Variants in PCDH11X observed in about 807,000 individuals in gnomAD.
PCDH11X encodes protocadherin-11 X-linked.
A neutral mutation model predicts 53.3 loss-of-function variants in PCDH11X; 18 were observed. The observed-to-expected ratio is 0.34, with a 90% CI of 0.23 to 0.50. PCDH11X has a LOEUF of 0.50. PCDH11X is among the 20% of genes least tolerant of loss of function. The probability of loss-of-function intolerance (pLI) is 0.98; values close to 1 mark genes in which losing one functional copy is unlikely to be tolerated. For synonymous variants in PCDH11X, 279 were observed against 393.3 expected, an observed-to-expected ratio of 0.71 and a Z score of 3.44; for missense variants, 570 against 1,032.4, an observed-to-expected ratio of 0.55 and a Z score of 6.14.
chrX:92,245,770 G>C (rs1352546642), intron 7 of PCDH11X, among the ~76,000 whole-genome samples: 1 of 111,987 alleles, frequency 8.9e-6, no homozygotes, highest in Non-Finnish European at 1.9e-5. Flanking sequence ...ACACAAAGGA[G>C]GTTCTCCTTA....
chrX:92,056,058 TG>T (rs1398837537), intron 6 of PCDH11X, among the ~76,000 whole-genome samples: 2 of 110,622 alleles, frequency 1.8e-5, no homozygotes, highest in African/African-American at 6.6e-5. Flanking sequence ...TACTTAGTAA[TG>T]GGATTTCTGT....
rs777685806 is a variant in PCDH11X, at chrX:92,025,037, G to A, written c.3033+145764G>A. ...ATAAAAAACCCAAAAAGAAATCTTAGGCAATACCATTCAGGCCATAGGCAT... is the reference window on the plus strand; with the variant it reads ...ATAAAAAACCCAAAAAGAAATCTTAAGCAATACCATTCAGGCCATAGGCAT... On this transcript the variant is annotated intron_variant, in intron 6 of 10. Transcript: ENST00000682573. 4.5e-5 allele frequency among the ~76,000 whole-genome samples: 5 copies of A among 111,552 alleles called. No homozygotes were observed. In the South Asian group the frequency reaches 1.9e-3, roughly 42 times the overall value.
At chrX:91,954,323 T>G (rs1280613454) in intron 6 of PCDH11X, among the ~76,000 whole-genome samples, 1 of 111,593 alleles carries the variant, frequency 9.0e-6, no homozygotes, top group East Asian at 2.8e-4. Flanking sequence ...TATTCCATGG[T>G]GTATATGTAC....
intron 10 of PCDH11X, among the ~76,000 whole-genome samples, chrX:92,548,265 G>C (rs1350760358): frequency 1.8e-5 from 2 of 110,339 alleles, no homozygotes; most frequent in African/African-American, 6.6e-5. Flanking sequence ...GACCTCCCCA[G>C]GCTTACGTGA....
chrX:92,241,116 T>C (rs2067255315), intron 7 of PCDH11X, among the ~76,000 whole-genome samples: 1 of 111,595 alleles, frequency 9.0e-6, no homozygotes, highest in African/African-American at 3.3e-5. Flanking sequence ...TTGCACTGAT[T>C]TTAATGGTAT....
chrX:92,511,896 C>T (rs1226852280), intron 10 of PCDH11X, among the ~76,000 whole-genome samples: 1 of 109,007 alleles, frequency 9.2e-6, no homozygotes, highest in Non-Finnish European at 1.9e-5. Flanking sequence ...TATAACAGCT[C>T]TAGCTTCTTG....
chrX:91,970,154 G>C, intron 6 of PCDH11X, among the ~76,000 whole-genome samples: 1 of 111,173 alleles, frequency 9.0e-6, no homozygotes, highest in South Asian at 3.8e-4. Flanking sequence ...CCTTCACAGT[G>C]AGTGTTACAG....
chrX:91,825,526 G>A (rs986081172), intron 4 of PCDH11X, among the ~76,000 whole-genome samples: 5 of 111,974 alleles, frequency 4.5e-5, no homozygotes, highest in Non-Finnish European at 9.4e-5. Flanking sequence ...GCCTCGCCCT[G>A]CTTCAGCTCG....
At chrX:92,347,622 A>G (rs1209457149) in intron 8 of PCDH11X, among the ~76,000 whole-genome samples, 3 of 111,872 alleles carry the variant, frequency 2.7e-5, no homozygotes, top group Non-Finnish European at 5.6e-5. Context: ...ATAGTTCATC[A>G]CAACCTATTT....
chrX:92,319,494 A>G (rs1409435921), intron 8 of PCDH11X, among the ~76,000 whole-genome samples: 1 of 112,039 alleles, frequency 8.9e-6, no homozygotes, highest in Admixed American at 9.5e-5. Flanking sequence ...CCGTAGAATT[A>G]AAAGTCTTAT....
intron 8 of PCDH11X, among the ~76,000 whole-genome samples, chrX:92,357,130 TA>T (rs58862953): frequency 0.055 from 4,784 of 86,818 alleles, 288 homozygotes; most frequent in African/African-American, 0.19. Context: ...TTTTTTTTTT[TA>T]AAAAAAAGCC....
chrX:91,974,144 A>T (rs1177464180), intron 6 of PCDH11X, among the ~76,000 whole-genome samples: 18 of 111,597 alleles, frequency 1.6e-4, no homozygotes, highest in African/African-American at 5.9e-4. Context: ...ACTGTATATC[A>T]GTCTCAGCCA....
intron 6 of PCDH11X, among the ~76,000 whole-genome samples, chrX:92,182,580 T>A (rs191176374): frequency 9.0e-6 from 1 of 111,316 alleles, no homozygotes; most frequent in African/African-American, 3.3e-5. Context: ...AAGGACCCAG[T>A]GGGAAGTAAT....
chrX:91,896,346 GGT>G (rs1184734482), intron 6 of PCDH11X, among the ~76,000 whole-genome samples: 1 of 110,004 alleles, frequency 9.1e-6, no homozygotes, highest in Non-Finnish European at 1.9e-5. Flanking sequence ...TGGCCAGGCT[GGT>G]CTCAAACTCC....
chrX:91,845,670 A>T (rs1937621239), intron 5 of PCDH11X, among the ~76,000 whole-genome samples: 1 of 111,360 alleles, frequency 9.0e-6, no homozygotes, highest in Non-Finnish European at 1.9e-5. Flanking sequence ...CCATTTATTC[A>T]TCTGCAGCTT....
At chrX:92,093,715 GA>G (rs1287124857) in intron 6 of PCDH11X, among the ~76,000 whole-genome samples, 1 of 111,051 alleles carries the variant, frequency 9.0e-6, no homozygotes, top group African/African-American at 3.3e-5. Flanking sequence ...AGTAGCCTGA[GA>G]AAATTAGTTA....
chrX:91,808,664 T>C (rs1330730670), intron 1 of PCDH11X, among the ~76,000 whole-genome samples: 1 of 110,517 alleles, frequency 9.0e-6, no homozygotes, highest in Non-Finnish European at 1.9e-5. Flanking sequence ...AATGTAATAG[T>C]GGCTGAAGTA....
chrX:92,403,334 TTTTTG>T lies in PCDH11X; in HGVS notation c.3343+15406_3343+15410del, dbSNP rs2071431048. The stretch of plus-strand genomic sequence containing the variant: ...ATATGTGTCCGGGCATTTACGTTTT[TTTTTG>T]TTTTTTTTTTTTTTTTTTTTTGTAG... On this transcript the variant is annotated intron_variant, in intron 9 of 10. Coordinates refer to ENST00000682573, the MANE Select transcript of PCDH11X (RefSeq NM_032968.5). 1.1e-4 allele frequency among the ~76,000 whole-genome samples: 8 copies of T among 75,934 alleles called. 1 individual carries two copies. The East Asian group carries it at 5.4e-3, about 51-fold the overall frequency. 65.9% of individuals were successfully genotyped at this position (75,934 alleles called of 115,157 possible).
At chrX:91,863,595 T>C (rs1035818769) in intron 5 of PCDH11X, among the ~76,000 whole-genome samples, 2 of 111,695 alleles carry the variant, frequency 1.8e-5, no homozygotes, top group Non-Finnish European at 3.8e-5. Flanking sequence ...TTCATTTACA[T>C]TGAATAATAT....
Sources: gnomAD v4.1 joint callset for allele counts (sites outside exome capture counted in the v4.1 genomes callset) on GRCh38, gnomAD v4.1.1 for gene constraint, MANE v1.5 for transcripts, NCBI Gene and HGNC (gene_info 2026-07-23, HGNC 2026-07-21) for gene names.